Variants in SLC1A3 observed in about 807,000 individuals in gnomAD.
SLC1A3 encodes the protein solute carrier family 1 member 3, also known as excitatory amino acid transporter 1.
In SLC1A3, 21 loss-of-function variants were observed where a neutral mutation model predicts 48.1. That is an observed-to-expected ratio of 0.44 (90% CI 0.31 to 0.63). The LOEUF (loss-of-function observed/expected upper bound fraction) is 0.63, where lower values mean the gene tolerates loss of function less well. SLC1A3 is among the 20% of genes least tolerant of loss of function. The pLI is 0.08. For synonymous variants in SLC1A3, 239 were observed against 251.4 expected, an observed-to-expected ratio of 0.95 and a Z score of 0.47; for missense variants, 546 against 689.0, an observed-to-expected ratio of 0.79 and a Z score of 2.32.
rs989474607 is a variant in SLC1A3 at position 36,688,074 on chromosome 5, C to T, written c.*1805C>T. On this transcript the variant is annotated 3_prime_UTR_variant, in exon 10 of 10. Coordinates refer to ENST00000265113, the MANE Select transcript of SLC1A3 (RefSeq NM_004172.5). Reference sequence around the variant, plus strand: ...ACCATTTAATGTCGAGGCTCTATTTCGGAAATACACTACAAATGTTAAAGT... The same window carrying T: ...ACCATTTAATGTCGAGGCTCTATTTTGGAAATACACTACAAATGTTAAAGT... 1 of 152,192 alleles carries T rather than the reference C, an allele frequency of 6.6e-6. No individual in the cohort carries two copies. The highest frequency in any genetic ancestry group is 1.5e-5 in the Non-Finnish European group (1 of 68,028). 9.4% of individuals were successfully genotyped at this position (152,192 alleles called of 1,614,324 possible).
At chr5:36,615,954 T>G (rs1230587428) in intron 2 of SLC1A3, among the ~76,000 whole-genome samples, 2 of 152,148 alleles carry the variant, frequency 1.3e-5, no homozygotes, top group East Asian at 3.9e-4. Context: ...TCCCAGCACT[T>G]TGGGAGGCCG....
intron 6 of SLC1A3, 21 bp downstream of exon 6, chr5:36,677,205 T>C: frequency 6.3e-7 from 1 of 1,595,368 alleles, no homozygotes; most frequent in Non-Finnish European, 8.6e-7. Flanking sequence ...CCATTTTCTA[T>C]ATATGTTATA....
chr5:36,637,603 C>T (rs1185528772), intron 3 of SLC1A3, among the ~76,000 whole-genome samples: 1 of 152,176 alleles, frequency 6.6e-6, no homozygotes, highest in African/African-American at 2.4e-5. Context: ...AAATTATCAA[C>T]TTAATAAATC....
rs138138731 is a variant in SLC1A3 at position 36,659,142 on chromosome 5, G to A, written c.320-11887G>A. Among the ~76,000 whole-genome samples, 105 of 152,320 alleles carry A rather than the reference G, an allele frequency of 6.9e-4. 3 individuals are homozygous for A. In the Middle Eastern group the frequency reaches 0.041, roughly 59 times the overall value. ...TATTTTACAGAAAATCTCCAAGACA[G>A]TAGGCATAATGATCAAACAGTGGGC... On this transcript the variant is annotated intron_variant, in intron 3 of 9. Transcript: ENST00000265113.
chr5:36,604,538 T>A (rs1159126022), upstream of SLC1A3, among the ~76,000 whole-genome samples: 1 of 152,182 alleles, frequency 6.6e-6, no homozygotes, highest in Non-Finnish European at 1.5e-5. Flanking sequence ...GAACTGAGAC[T>A]CTTTGCATCT....
At chr5:36,667,116 T>C (rs917075939) in intron 3 of SLC1A3, among the ~76,000 whole-genome samples, 3 of 152,180 alleles carry the variant, frequency 2.0e-5, no homozygotes, top group Non-Finnish European at 4.4e-5. Context: ...GGTAGACTTG[T>C]AGAAAAGAAA....
intron 3 of SLC1A3, among the ~76,000 whole-genome samples, chr5:36,632,195 A>C (rs1284368934): frequency 1.3e-5 from 2 of 152,244 alleles, no homozygotes; most frequent in East Asian, 3.8e-4. Context: ...TATTGAGACA[A>C]GGGCCAGATC....
At chr5:36,612,677 T>C in intron 2 of SLC1A3, 2 of 385,510 alleles carry the variant, frequency 5.2e-6, no homozygotes, top group Non-Finnish European at 1.0e-5. Context: ...TGTGTTTAAG[T>C]GTATTAACTT....
chr5:36,610,227 G>C (rs1387346683), intron 2 of SLC1A3, among the ~76,000 whole-genome samples: 5 of 152,182 alleles, frequency 3.3e-5, no homozygotes, highest in African/African-American at 1.2e-4. Context: ...CATCTTTTAA[G>C]AGATGCCAGG....
At chr5:36,613,786 G>C (rs1423508724) in intron 2 of SLC1A3, among the ~76,000 whole-genome samples, 1 of 152,146 alleles carries the variant, frequency 6.6e-6, no homozygotes, top group East Asian at 1.9e-4. Context: ...AGGAGGAGGA[G>C]GAAGCTATGG....
At chr5:36,644,894 G>C (rs897541394) in intron 3 of SLC1A3, among the ~76,000 whole-genome samples, 2 of 152,090 alleles carry the variant, frequency 1.3e-5, no homozygotes, top group Admixed American at 6.6e-5. Context: ...GGGTGGGCCT[G>C]GGGGGAGACA....
rs1739406193 is a variant in SLC1A3, at chr5:36,615,793, C to T, written c.181+7189C>T. Among the ~76,000 whole-genome samples, 6 of 152,364 alleles carry T rather than the reference C, an allele frequency of 3.9e-5. 1 individual carries two copies. The South Asian group carries it at 1.0e-3, about 26-fold the overall frequency. On this transcript the variant is annotated intron_variant, in intron 2 of 9. Coordinates refer to ENST00000265113, the MANE Select transcript of SLC1A3 (RefSeq NM_004172.5). Reference sequence around the variant, plus strand: ...TATGGAACACTAGGATACTATCATTCATCAAGTATTTGCTGGCAGCTAGGT... The same window carrying T: ...TATGGAACACTAGGATACTATCATTTATCAAGTATTTGCTGGCAGCTAGGT...
intron 3 of SLC1A3, among the ~76,000 whole-genome samples, chr5:36,645,668 C>T (rs1186808820): frequency 3.3e-5 from 5 of 152,110 alleles, no homozygotes; most frequent in African/African-American, 1.2e-4. Flanking sequence ...CAAAGTGAAG[C>T]TTGCTGGAAA....
At chr5:36,681,805 T>C (rs1249575928) in intron 8 of SLC1A3, among the ~76,000 whole-genome samples, 1 of 152,230 alleles carries the variant, frequency 6.6e-6, no homozygotes, top group Non-Finnish European at 1.5e-5. Context: ...GCCTCTGCTC[T>C]TCATTGTTGT....
intron 3 of SLC1A3, chr5:36,669,734 G>C (rs898915683): frequency 2.0e-5 from 3 of 152,074 alleles, no homozygotes; most frequent in African/African-American, 7.2e-5. Flanking sequence ...TTTGTATTAA[G>C]ATTTTTGAGC....
At chr5:36,600,091 G>A (rs564093937) in intron 1 of SLC1A3, among the ~76,000 whole-genome samples, 2 of 152,210 alleles carry the variant, frequency 1.3e-5, no homozygotes, top group South Asian at 2.1e-4. Flanking sequence ...TAGAATTTGA[G>A]TACTTTGAGT....
rs929510396 is a variant in SLC1A3, at chr5:36,670,225, C to T, written c.320-804C>T. Among the ~76,000 whole-genome samples, 39 of 152,224 alleles carry T rather than the reference C, an allele frequency of 2.6e-4. 1 individual carries two copies. Among genetic ancestry groups the T allele is most frequent in the Admixed American group, 2.3e-3 (35 of 15,290 alleles). On this transcript the variant is annotated intron_variant, in intron 3 of 9. Transcript: ENST00000265113. ...CCTCCTTTTTTCTCTAGGATGACACCTTGCCTGAGGCAGACTTTGAAGATG... is the reference window on the plus strand; with the variant it reads ...CCTCCTTTTTTCTCTAGGATGACACTTTGCCTGAGGCAGACTTTGAAGATG...
intron 8 of SLC1A3, among the ~76,000 whole-genome samples, 163 bp from the exon 9 acceptor site, chr5:36,683,701 C>T (rs1742528874): frequency 1.8e-5 from 1 of 54,428 alleles, no homozygotes; most frequent in South Asian, 6.1e-4. Flanking sequence ...GAGTGAGATA[C>T]TGTTTCAAAA....
intron 2 of SLC1A3, among the ~76,000 whole-genome samples, chr5:36,615,225 G>A (rs1230315027): frequency 2.0e-5 from 3 of 152,170 alleles, no homozygotes; most frequent in Non-Finnish European, 4.4e-5. Flanking sequence ...TTTTTATGGT[G>A]TAAGACAAAT....
Sources: allele counts gnomAD v4.1 joint callset (sites outside exome capture counted in the v4.1 genomes callset), GRCh38; gene constraint gnomAD v4.1.1; transcripts MANE v1.5; gene names NCBI Gene and HGNC (gene_info 2026-07-23, HGNC 2026-07-21).